The following CENPP variants were observed in gnomAD, a reference collection of about 807,000 sequenced individuals.
CENPP encodes the protein centromere protein P.
Under a neutral mutation model 35.6 loss-of-function variants are expected in CENPP, and 24 were observed. That is an observed-to-expected ratio of 0.67 (90% CI 0.49 to 0.95). The LOEUF (loss-of-function observed/expected upper bound fraction) is 0.95, where lower values mean the gene tolerates loss of function less well. Among genes scored for constraint, CENPP ranks in the 40% least tolerant of loss-of-function variants. The pLI, the probability that CENPP is intolerant of heterozygous loss-of-function variation, is 0.00. For synonymous variants in CENPP, 120 were observed against 125.5 expected, an observed-to-expected ratio of 0.96 and a Z score of 0.29; for missense variants, 332 against 345.3, an observed-to-expected ratio of 0.96 and a Z score of 0.31.
chr9:92,430,825 C>T (rs1249259544), intron 5 of CENPP, among the ~76,000 whole-genome samples: 2 of 152,072 alleles, frequency 1.3e-5, no homozygotes, highest in African/African-American at 4.8e-5. Context: ...GAGATGGAGT[C>T]TCGCTCTGTC....
intron 3 of CENPP, among the ~76,000 whole-genome samples, chr9:92,345,449 G>A (rs1841262627): frequency 7.0e-6 from 1 of 143,584 alleles, no homozygotes; most frequent in Non-Finnish European, 1.5e-5. Context: ...CCGAGATCGC[G>A]CCACTGCACT....
intron 6 of CENPP, among the ~76,000 whole-genome samples, chr9:92,611,752 A>T (rs1313997529): frequency 6.6e-6 from 1 of 152,042 alleles, no homozygotes; most frequent in Non-Finnish European, 1.5e-5. Flanking sequence ...ATGAGAAGAA[A>T]CAGGACAGGC....
At chr9:92,611,225 C>T (rs1851232833) in intron 5 of CENPP, 89 bp from the exon 6 acceptor site, 1 of 1,082,496 alleles carries the variant, frequency 9.2e-7, no homozygotes, top group African/African-American at 1.5e-5. Context: ...TGATTTTCGC[C>T]AGACACCTGG....
intron 5 of CENPP, among the ~76,000 whole-genome samples, chr9:92,579,281 A>T (rs1252296036): frequency 1.3e-5 from 2 of 149,804 alleles, no homozygotes; most frequent in Admixed American, 1.3e-4. Flanking sequence ...CTTGGCGATG[A>T]GGGCTCTTTT....
intron 5 of CENPP, among the ~76,000 whole-genome samples, chr9:92,498,207 G>A (rs1846467511): frequency 1.3e-5 from 2 of 152,292 alleles, no homozygotes; most frequent in Middle Eastern, 3.4e-3. Flanking sequence ...GTATATGTAT[G>A]TAGGCTTTTG....
chr9:92,424,056 ATAACT>A (rs1843894373), intron 5 of CENPP: 1 of 152,218 alleles, frequency 6.6e-6, no homozygotes, highest in African/African-American at 2.4e-5. Context: ...AAAGTTTAAC[ATAACT>A]TTTTTACCAG....
In CENPP at chr9:92,466,321, A is replaced by G. The variant is rs187543149; in HGVS notation, c.564+86462A>G. 327 of 1,315,096 alleles carry G rather than the reference A, an allele frequency of 2.5e-4. 2 individuals carry two copies. In the Admixed American group the frequency reaches 5.4e-3, roughly 22 times the overall value. 81.5% of individuals were successfully genotyped at this position (1,315,096 alleles called of 1,614,324 possible). ...AGTGTTCTACATCTGCTTGTTTGTT[A>G]TAATTTCAAGATGTCCCATTCATTT... On this transcript the variant is annotated intron_variant, in intron 5 of 7. Coordinates refer to ENST00000375587, the MANE Select transcript of CENPP (RefSeq NM_001012267.3).
intron 5 of CENPP, among the ~76,000 whole-genome samples, chr9:92,433,290 A>G (rs1039467157): frequency 6.6e-6 from 1 of 152,194 alleles, no homozygotes; most frequent in Non-Finnish European, 1.5e-5. Flanking sequence ...ACCTCTGAAT[A>G]CTGTTATGAT....
chr9:92,540,774 A>C (rs1204293107), intron 5 of CENPP, among the ~76,000 whole-genome samples: 1 of 152,132 alleles, frequency 6.6e-6, no homozygotes, highest in Non-Finnish European at 1.5e-5. Context: ...CTGTCTCAAA[A>C]AAAAAAAAAT....
intron 7 of CENPP, 124 bp downstream of exon 7, chr9:92,612,738 T>G: frequency 1.3e-6 from 1 of 745,974 alleles, no homozygotes; most frequent in Non-Finnish European, 2.3e-6. Context: ...ATGTACTTTG[T>G]CTATCAATTT....
chr9:92,427,485 A>T (rs2007837), intron 5 of CENPP, among the ~76,000 whole-genome samples: 67,242 of 149,380 alleles, frequency 0.45, 17,153 homozygotes, highest in African/African-American at 0.7. Context: ...TATTTATTTA[A>T]GTATTTATTT....
intron 5 of CENPP, among the ~76,000 whole-genome samples, chr9:92,499,459 A>G (rs1420022773): frequency 1.3e-5 from 2 of 152,226 alleles, no homozygotes; most frequent in East Asian, 1.9e-4. Flanking sequence ...TAAGAATTCA[A>G]ACAACATTCA....
intron 5 of CENPP, among the ~76,000 whole-genome samples, chr9:92,422,826 A>G (rs1312147146): frequency 6.6e-6 from 1 of 152,070 alleles, no homozygotes; most frequent in African/African-American, 2.4e-5. Flanking sequence ...TTCCCCAACT[A>G]ATCTCTTCTG....
chr9:92,578,981 G>T (rs1850352560), intron 5 of CENPP, among the ~76,000 whole-genome samples: 1 of 152,014 alleles, frequency 6.6e-6, no homozygotes, highest in Admixed American at 6.6e-5. Flanking sequence ...TTTTGTATAA[G>T]GTGTAAGGAA....
intron 5 of CENPP, among the ~76,000 whole-genome samples, chr9:92,473,214 A>C (rs1385476561): frequency 6.6e-6 from 1 of 152,100 alleles, no homozygotes; most frequent in Non-Finnish European, 1.5e-5. Flanking sequence ...AGTTTTATGC[A>C]ATGTCTCATG....
chr9:92,430,335 T>G (rs998084297), intron 5 of CENPP, among the ~76,000 whole-genome samples: 1 of 152,196 alleles, frequency 6.6e-6, no homozygotes, highest in Non-Finnish European at 1.5e-5. Context: ...CTATGACTTT[T>G]AACTATTATT....
In CENPP at chr9:92,615,626, G is replaced by A; in HGVS notation, c.*2477G>A. On this transcript the variant is annotated 3_prime_UTR_variant, in exon 8 of 8. Transcript: ENST00000375587. ...TTTTAAGAGTGTGAGCAGCTTCCTGGGACACAGCACTCACTTCCTACATTC... is the reference window on the plus strand; with the variant it reads ...TTTTAAGAGTGTGAGCAGCTTCCTGAGACACAGCACTCACTTCCTACATTC... 3.6e-6 allele frequency: 2 copies of A among 552,452 alleles called. No homozygotes were observed. Among genetic ancestry groups the A allele is most frequent in the South Asian group, 4.1e-5 (2 of 48,628 alleles). The allele number at this position is 552,452 out of a possible 1,614,324, so 34.2% of individuals were successfully genotyped here. A position where few individuals can be genotyped will look rare whatever the true frequency, so the allele number is the denominator to read the frequency against.
chr9:92,427,774 CCTGA>C (rs1482721276), intron 5 of CENPP, among the ~76,000 whole-genome samples: 2 of 152,158 alleles, frequency 1.3e-5, no homozygotes, highest in East Asian at 3.9e-4. Flanking sequence ...GCCACCATGC[CCTGA>C]CTATTAATTA....
At chr9:92,480,820 G>A (rs1845887269) in intron 5 of CENPP, among the ~76,000 whole-genome samples, 1 of 152,078 alleles carries the variant, frequency 6.6e-6, no homozygotes, top group African/African-American at 2.4e-5. Flanking sequence ...ATATTTCACC[G>A]AAGGAATCCA....
Sources: allele counts gnomAD v4.1 joint callset (sites outside exome capture counted in the v4.1 genomes callset), GRCh38; gene constraint gnomAD v4.1.1; transcripts MANE v1.5; gene names NCBI Gene and HGNC (gene_info 2026-07-23, HGNC 2026-07-21).